Variants in CADM2 observed in about 807,000 individuals in gnomAD.
CADM2 encodes cell adhesion molecule 2.
CADM2 carries 12 observed loss-of-function variants against 49.8 expected under a neutral mutation model. That is an observed-to-expected ratio of 0.24 (90% CI 0.15 to 0.39). The LOEUF (loss-of-function observed/expected upper bound fraction) is 0.39, where lower values mean the gene tolerates loss of function less well. Among genes scored for constraint, CADM2 ranks in the 10% least tolerant of loss-of-function variants. The pLI is 1.00. For synonymous variants in CADM2, 214 were observed against 175.4 expected, an observed-to-expected ratio of 1.22 and a Z score of -1.74; for missense variants, 378 against 492.3, an observed-to-expected ratio of 0.77 and a Z score of 2.20.
At chr3:85,750,392 T>C (rs550664122) in intron 2 of CADM2, among the ~76,000 whole-genome samples, 29 of 152,186 alleles carry the variant, frequency 1.9e-4, no homozygotes, top group African/African-American at 6.7e-4. Flanking sequence ...AATTGGAAAT[T>C]TGGGAACAAA....
chr3:85,367,814 T>C (rs546769989), intron 1 of CADM2, among the ~76,000 whole-genome samples: 6 of 105,994 alleles, frequency 5.7e-5, no homozygotes, highest in Non-Finnish European at 1.0e-4. Flanking sequence ...TTCTAGTACA[T>C]ATATATATAT....
chr3:85,606,141 A>G (rs1001754418), intron 1 of CADM2, among the ~76,000 whole-genome samples: 1 of 152,118 alleles, frequency 6.6e-6, no homozygotes, highest in African/African-American at 2.4e-5. Flanking sequence ...TTCTTCTTGG[A>G]ACAACCTTTT....
chr3:85,421,976 T>C (rs1274462638), intron 1 of CADM2, among the ~76,000 whole-genome samples: 1 of 152,364 alleles, frequency 6.6e-6, no homozygotes, highest in African/African-American at 2.4e-5. Context: ...TACTTGTCAC[T>C]GATAACTTCA....
chr3:85,695,716 G>A (rs1455598383), intron 1 of CADM2, among the ~76,000 whole-genome samples: 5 of 152,146 alleles, frequency 3.3e-5, no homozygotes, highest in South Asian at 2.1e-4. Context: ...ACTGCGATAA[G>A]CATACACTTG....
intron 8 of CADM2, among the ~76,000 whole-genome samples, chr3:86,005,734 C>T (rs926490401): frequency 1.3e-5 from 2 of 152,072 alleles, no homozygotes; most frequent in African/African-American, 4.8e-5. Context: ...TTAAACTGTA[C>T]AGTTACTATT....
At position 85,568,805 on chromosome 3, in the gene CADM2, A is replaced by G. The variant is rs2062394571; in HGVS notation, c.62-157717A>G. ...GTATTTTTAGTGGAGATGGGGTTTC[A>G]CCATATTGGCTAGGCTGGTTTCAAA... On this transcript the variant is annotated intron_variant, in intron 1 of 9. Coordinates refer to ENST00000383699, the MANE Select transcript of CADM2 (RefSeq NM_001167675.2). Among the ~76,000 whole-genome samples the G allele has an allele frequency of 2.0e-5, 3 of 151,420 alleles. No individual in the cohort carries two copies. The South Asian group carries it at 6.3e-4, about 32-fold the overall frequency.
intron 2 of CADM2, among the ~76,000 whole-genome samples, chr3:85,769,826 T>C (rs1240674763): frequency 1.3e-5 from 2 of 151,270 alleles, no homozygotes; most frequent in African/African-American, 4.9e-5. Context: ...TTTTGTGACA[T>C]CTACATTTCA....
chr3:85,050,554 G>A (rs976075289), intron 1 of CADM2, among the ~76,000 whole-genome samples: 2 of 152,090 alleles, frequency 1.3e-5, no homozygotes, highest in African/African-American at 2.4e-5. Flanking sequence ...TAGGAAAGGA[G>A]ATAGTATATG....
intron 1 of CADM2, among the ~76,000 whole-genome samples, chr3:85,126,994 A>T (rs930753136): frequency 1.3e-5 from 2 of 152,286 alleles, no homozygotes; most frequent in East Asian, 3.9e-4. Flanking sequence ...TCTGTTGAGA[A>T]TATTATGATT....
chr3:85,567,540 T>G (rs1329807314), intron 1 of CADM2, among the ~76,000 whole-genome samples: 1 of 152,176 alleles, frequency 6.6e-6, no homozygotes, highest in Non-Finnish European at 1.5e-5. Flanking sequence ...CTTGTTTAAT[T>G]TCTCTTCTCT....
chr3:86,030,005 A>G (rs981569431), intron 8 of CADM2, among the ~76,000 whole-genome samples: 1 of 152,066 alleles, frequency 6.6e-6, no homozygotes, highest in African/African-American at 2.4e-5. Context: ...CTGAATGATC[A>G]AAAGTGATTT....
At chr3:85,904,741 C>G (rs1009518767) in intron 5 of CADM2, among the ~76,000 whole-genome samples, 1 of 152,118 alleles carries the variant, frequency 6.6e-6, no homozygotes, top group African/African-American at 2.4e-5. Context: ...CTTTTTCATA[C>G]TCATACGTTT....
intron 1 of CADM2, among the ~76,000 whole-genome samples, chr3:85,106,656 G>C (rs2038238248): frequency 6.6e-6 from 1 of 152,134 alleles, no homozygotes; most frequent in African/African-American, 2.4e-5. Flanking sequence ...TTTTGTATTA[G>C]TAACCTAGTA....
intron 8 of CADM2, among the ~76,000 whole-genome samples, chr3:86,033,925 T>C (rs1295060138): frequency 6.6e-6 from 1 of 151,162 alleles, no homozygotes; most frequent in Admixed American, 6.6e-5. Flanking sequence ...GCCTTGAAGA[T>C]AAGCACAAAA....
At chr3:85,304,128 C>T (rs1379603070) in intron 1 of CADM2, among the ~76,000 whole-genome samples, 1 of 151,658 alleles carries the variant, frequency 6.6e-6, no homozygotes, top group Non-Finnish European at 1.5e-5. Context: ...AGGAAGGTGG[C>T]ATATATGTAG....
chr3:85,592,163 A>G (rs1420492771), intron 1 of CADM2, among the ~76,000 whole-genome samples: 3 of 152,020 alleles, frequency 2.0e-5, no homozygotes, highest in African/African-American at 7.2e-5. Flanking sequence ...TTAATATAAC[A>G]AGATGGAAAA....
intron 1 of CADM2, among the ~76,000 whole-genome samples, chr3:85,695,120 A>G (rs952149330): frequency 2.0e-5 from 3 of 152,146 alleles, no homozygotes; most frequent in African/African-American, 4.8e-5. Flanking sequence ...TGTTAAAATA[A>G]TGACTTAAAT....
chr3:85,553,042 A>AT (rs2061853504), intron 1 of CADM2, among the ~76,000 whole-genome samples: 1 of 152,132 alleles, frequency 6.6e-6, no homozygotes, highest in African/African-American at 2.4e-5. Context: ...TATGTAGTCA[A>AT]TTTTTTAAAA....
At chr3:85,292,368 T>TAGATCAACG (rs1344247129) in intron 1 of CADM2, among the ~76,000 whole-genome samples, 2 of 150,430 alleles carry the variant, frequency 1.3e-5, no homozygotes, top group African/African-American at 4.9e-5. Context: ...CTGTCAACAT[T>TAGATCAACG]AGACAGATCA....
Sources: allele counts gnomAD v4.1 joint callset (sites outside exome capture counted in the v4.1 genomes callset), GRCh38; gene constraint gnomAD v4.1.1; transcripts MANE v1.5; gene names NCBI Gene and HGNC (gene_info 2026-07-23, HGNC 2026-07-21).